The following PCDHGA4 variants were observed in gnomAD, a reference collection of about 807,000 sequenced individuals.
The protein encoded by PCDHGA4 is protocadherin gamma-A4.
In PCDHGA4, 38 loss-of-function variants were observed where a neutral mutation model predicts 54.6. The observed-to-expected ratio is 0.70, with a 90% CI of 0.54 to 0.91. PCDHGA4 has a LOEUF of 0.91. Ranked by LOEUF, PCDHGA4 falls within the 40% of genes least tolerant of loss-of-function variation. The probability of loss-of-function intolerance (pLI) is 0.00; values close to 1 mark genes in which losing one functional copy is unlikely to be tolerated. For missense variants in PCDHGA4, 1,298 were observed against 1,220.9 expected (o/e 1.06, Z -0.94); for synonymous variants, 511 against 512.9 (o/e 1.00, Z 0.05).
intron 1 of PCDHGA4, among the ~76,000 whole-genome samples, chr5:141,458,500 T>G (rs2098947037): frequency 6.6e-6 from 1 of 151,442 alleles, no homozygotes; most frequent in Admixed American, 6.6e-5. Context: ...CTGTACATAC[T>G]GTTTGACACT....
chr5:141,404,809 G>A (rs1383342554), intron 1 of PCDHGA4: 1 of 1,613,984 alleles, frequency 6.2e-7, no homozygotes, highest in East Asian at 2.2e-5. Flanking sequence ...TCTTCTCGGT[G>A]GGGCTGCACA....
intron 1 of PCDHGA4, chr5:141,408,072 T>G (rs1047187961): frequency 1.7e-5 from 24 of 1,388,622 alleles, no homozygotes; most frequent in Middle Eastern, 2.6e-4. Flanking sequence ...CGCAGACCTT[T>G]CCCAGCACAG....
intron 1 of PCDHGA4, chr5:141,409,819 G>A (rs781534809): frequency 1.2e-6 from 2 of 1,610,356 alleles, no homozygotes; most frequent in African/African-American, 2.7e-5. Context: ...ACCACGGCTC[G>A]CCCACGCTCA....
At chr5:141,389,944 A>T in intron 1 of PCDHGA4, 1 of 1,613,974 alleles carries the variant, frequency 6.2e-7, no homozygotes, top group East Asian at 2.2e-5. Context: ...GCTGAGCTGC[A>T]GTTTTACCTA....
Position 141,386,987 on chromosome 5 carries a change from A to G in PCDHGA4, c.2514+29366A>G, listed in dbSNP as rs147872708. 4.1e-3 allele frequency among the ~76,000 whole-genome samples: 628 copies of G among 152,308 alleles called. 4 individuals carry two copies. The highest frequency in any genetic ancestry group is 3.9e-3 in the Non-Finnish European group (262 of 68,032). ...CTCAGTGACTTTGTGTTTTGAGGCTATGTATTATCCCCCTGATAACTTTGA... is the reference window on the plus strand; with the variant it reads ...CTCAGTGACTTTGTGTTTTGAGGCTGTGTATTATCCCCCTGATAACTTTGA... On this transcript the variant is annotated intron_variant, in intron 1 of 3. Transcript: ENST00000571252.
intron 1 of PCDHGA4, among the ~76,000 whole-genome samples, chr5:141,469,489 C>T (rs1013080566): frequency 4.6e-5 from 7 of 151,928 alleles, no homozygotes; most frequent in Middle Eastern, 3.4e-3. Context: ...GCAGGAGAAT[C>T]GCTTGAACCC....
Position 141,486,616 on chromosome 5 carries a change from C to A in PCDHGA4, c.2515-8191C>A. On this transcript the variant is annotated intron_variant, in intron 1 of 3. Transcript: ENST00000571252. The surrounding 1 kb of genome is among the most constrained non-coding windows in gnomAD (Gnocchi z 5.0). ...TGCTTTGCTCCCTTGCAGCCTCTGACCCAGACTCTGGCTTGAATGCGCTTA... is the reference window on the plus strand; with the variant it reads ...TGCTTTGCTCCCTTGCAGCCTCTGAACCAGACTCTGGCTTGAATGCGCTTA... The A allele has an allele frequency of 6.2e-7, 1 of 1,613,618 alleles. No individual in the cohort carries two copies. Among genetic ancestry groups the A allele is most frequent in the Non-Finnish European group, 8.5e-7 (1 of 1,180,022 alleles).
rs376890554 is a variant in PCDHGA4 at position 141,408,250 on chromosome 5, G to A, written c.2514+50629G>A. 3.6e-4 allele frequency: 569 copies of A among 1,595,986 alleles called. 5 individuals are homozygous for A. The highest frequency in any genetic ancestry group is 1.7e-3 in the South Asian group (151 of 89,354). On this transcript the variant is annotated intron_variant, in intron 1 of 3. Coordinates refer to ENST00000571252, the MANE Select transcript of PCDHGA4 (RefSeq NM_018917.4). ...GGCGCCGGGCCGGCCCGCGGCAGGT[G>A]CTATTTCCTTTGCTGCTGCCTTTGT... is the stretch of plus-strand genomic sequence containing the variant.
chr5:141,376,294 C>G lies in PCDHGA4; in HGVS notation c.2514+18673C>G, dbSNP rs572453488. Reference sequence around the variant, plus strand: ...GAGGTGGCTTAGCGAGCATGCCCGGCTCGCACTTTGTGGGCGTGGAAGGGG... The same window carrying G: ...GAGGTGGCTTAGCGAGCATGCCCGGGTCGCACTTTGTGGGCGTGGAAGGGG... On this transcript the variant is annotated intron_variant, in intron 1 of 3. Transcript: ENST00000571252. 8.7e-6 allele frequency: 14 copies of G among 1,614,226 alleles called. No individual in the cohort carries two copies. The Admixed American group carries it at 2.3e-4, about 27-fold the overall frequency.
chr5:141,482,383 G>A (rs1594230401), intron 1 of PCDHGA4, among the ~76,000 whole-genome samples: 2 of 152,240 alleles, frequency 1.3e-5, no homozygotes, highest in East Asian at 3.9e-4. Context: ...TAAAGTCCCT[G>A]TATGGAGCAA....
In PCDHGA4 at chr5:141,361,196, C is replaced by T. The variant is rs1018062167; in HGVS notation, c.2514+3575C>T. ...GAAGTTATTGTGACTTCAGTATCTA[C>T]TCCCCTACCGGAGGATTCGCCACCA... On this transcript the variant is annotated intron_variant, in intron 1 of 3. Transcript: ENST00000571252. 2 of 1,613,842 alleles carry T rather than the reference C, an allele frequency of 1.2e-6. No individual in the cohort carries two copies. The highest frequency in any genetic ancestry group is 1.3e-5 in the African/African-American group (1 of 74,918).
At chr5:141,441,730 A>ATGGT in intron 1 of PCDHGA4, 1 of 362,748 alleles carries the variant, frequency 2.8e-6, no homozygotes, top group South Asian at 2.2e-5. Flanking sequence ...CGCGACCAGG[A>ATGGT]CTAGCTCGCG....
rs760095389 is a variant in PCDHGA4, at chr5:141,486,731, A to G, written c.2515-8076A>G. On this transcript the variant is annotated intron_variant, in intron 1 of 3. Transcript: ENST00000571252. The surrounding 1 kb of genome is among the most constrained non-coding windows in gnomAD (Gnocchi z 5.0). ...CCCCCAGACAGGAGCTGTTCATGCT[A>G]CTCGATCCTTTGACTATGAGCAAAC... The G allele has an allele frequency of 6.2e-7, 1 of 1,614,060 alleles. No individual in the cohort carries two copies. Among genetic ancestry groups the G allele is most frequent in the Non-Finnish European group, 8.5e-7 (1 of 1,180,012 alleles).
intron 1 of PCDHGA4, chr5:141,399,280 G>T (rs750453381): frequency 6.2e-7 from 1 of 1,613,836 alleles, no homozygotes; most frequent in Non-Finnish European, 8.5e-7. Flanking sequence ...ATTACAAGGC[G>T]AAGTCCCTTT....
intron 1 of PCDHGA4, chr5:141,365,484 C>G: frequency 1.2e-6 from 2 of 1,613,994 alleles, no homozygotes; most frequent in Non-Finnish European, 1.7e-6. Flanking sequence ...ATTGCATGCT[C>G]TATTCCTAGG....
At chr5:141,466,938 G>C (rs985959499) in intron 1 of PCDHGA4, among the ~76,000 whole-genome samples, 1 of 151,854 alleles carries the variant, frequency 6.6e-6, no homozygotes, top group Non-Finnish European at 1.5e-5. Context: ...TTAGTCCTTT[G>C]TCCAGTAAAC....
At chr5:141,398,573 G>A (rs561224063) in intron 1 of PCDHGA4, 39 of 1,613,870 alleles carry the variant, frequency 2.4e-5, no homozygotes, top group Non-Finnish European at 3.1e-5. Flanking sequence ...GCACAGCCTG[G>A]CACAAGATTT....
chr5:141,374,408 C>T (rs769866993), intron 1 of PCDHGA4: 1 of 1,614,034 alleles, frequency 6.2e-7, no homozygotes, highest in East Asian at 2.2e-5. Context: ...TTTTAACATC[C>T]TTGTCGAGGA....
intron 1 of PCDHGA4, chr5:141,415,520 C>T: frequency 6.2e-7 from 1 of 1,614,190 alleles, no homozygotes; most frequent in Non-Finnish European, 8.5e-7. Flanking sequence ...TATGCGGACA[C>T]GCTCATCAGC....
Sources: allele counts gnomAD v4.1 joint callset (sites outside exome capture counted in the v4.1 genomes callset), GRCh38; gene constraint gnomAD v4.1.1; non-coding constraint Gnocchi (gnomAD v3.1); transcripts MANE v1.5; gene names NCBI Gene and HGNC (gene_info 2026-07-23, HGNC 2026-07-21).